The following MCTP1 variants were observed in gnomAD, a reference collection of about 807,000 sequenced individuals.
The protein encoded by MCTP1 is multiple C2 and transmembrane domain-containing protein 1.
A neutral mutation model predicts 120.6 loss-of-function variants in MCTP1; 69 were observed. The observed-to-expected ratio is 0.57, with a 90% CI of 0.47 to 0.70. MCTP1 has a LOEUF of 0.70. MCTP1 is among the 30% of genes least tolerant of loss of function. The pLI, the probability that MCTP1 is intolerant of heterozygous loss-of-function variation, is 0.00. For missense variants in MCTP1, 1,203 were observed against 1,248.8 expected, an observed-to-expected ratio of 0.96 and a Z score of 0.55; for synonymous variants, 529 against 493.1, an observed-to-expected ratio of 1.07 and a Z score of -0.96.
At chr5:94,742,918 G>A (rs1765860920) in intron 19 of MCTP1, among the ~76,000 whole-genome samples, 1 of 152,120 alleles carries the variant, frequency 6.6e-6, no homozygotes, top group South Asian at 2.1e-4. Context: ...AATGAATAAT[G>A]CACAGTCCCT....
rs114841593 is a variant in MCTP1 at position 95,268,461 on chromosome 5, C to T, written c.720+15395G>A. On this transcript the variant is annotated intron_variant, in intron 1 of 22. Coordinates refer to ENST00000515393, the MANE Select transcript of MCTP1 (RefSeq NM_024717.7). ...ATACTCATGAGCAGATGTAGGGGAT[C>T]GATCAAGGTGGTGGGAGTAATTATA... Among the ~76,000 whole-genome samples, 649 of 152,188 alleles carry T rather than the reference C, an allele frequency of 4.3e-3. 8 individuals are homozygous for T. Among genetic ancestry groups the T allele is most frequent in the African/African-American group, 0.013 (559 of 41,520 alleles).
At chr5:94,836,194 A>C (rs1252433093) in intron 17 of MCTP1, among the ~76,000 whole-genome samples, 46 of 151,164 alleles carry the variant, frequency 3.0e-4, no homozygotes, top group African/African-American at 1.1e-3. Context: ...AAAAAAAAAA[A>C]AAAAAAAAAA....
intron 9 of MCTP1, 23 bp downstream of exon 9, chr5:94,912,783 G>A (rs1347563402): frequency 6.6e-7 from 1 of 1,511,546 alleles, no homozygotes; most frequent in Non-Finnish European, 8.9e-7. Flanking sequence ...ATATTGACAG[G>A]AACACAATAG....
chr5:95,147,416 A>G (rs1184086935), intron 1 of MCTP1, among the ~76,000 whole-genome samples: 1 of 152,038 alleles, frequency 6.6e-6, no homozygotes, highest in African/African-American at 2.4e-5. Flanking sequence ...TGATAGTTAC[A>G]CCTTCTTGTT....
At chr5:95,163,291 GAT>G (rs1745950152) in intron 1 of MCTP1, among the ~76,000 whole-genome samples, 1 of 152,298 alleles carries the variant, frequency 6.6e-6, no homozygotes, top group Admixed American at 6.5e-5. Context: ...CAAGGTGACA[GAT>G]ATATACTGTG....
intron 1 of MCTP1, among the ~76,000 whole-genome samples, chr5:95,099,368 A>G (rs988388234): frequency 0.015 from 2,335 of 151,068 alleles, 68 homozygotes; most frequent in African/African-American, 0.052. Flanking sequence ...TTCGCAACCT[A>G]CTCATCTGAC....
At chr5:94,755,718 G>A (rs748186624) in intron 19 of MCTP1, among the ~76,000 whole-genome samples, 5 of 151,892 alleles carry the variant, frequency 3.3e-5, no homozygotes, top group African/African-American at 7.3e-5. Flanking sequence ...TCATCCTCCC[G>A]TTGCCCTTTA....
At chr5:94,790,065 TGA>T (rs1306653760) in intron 18 of MCTP1, among the ~76,000 whole-genome samples, 1 of 152,228 alleles carries the variant, frequency 6.6e-6, no homozygotes, top group Admixed American at 6.5e-5. Context: ...GATAATATAC[TGA>T]GAGTGTTGTG....
rs564716833 is a variant in MCTP1 at position 94,888,699 on chromosome 5, T to TTAAAAAGCAGAGATACTA, written c.1933+162_1933+179dup. On this transcript the variant is annotated intron_variant, in intron 12 of 22. Coordinates refer to ENST00000515393, the MANE Select transcript of MCTP1 (RefSeq NM_024717.7). The stretch of plus-strand genomic sequence containing the variant: ...TTATTTTTAATACATTACCCTGCCT[T>TTAAAAAGCAGAGATACTA]TAAAAAGCAGAGATACTATAAAAAT... 1.8e-4 allele frequency among the ~76,000 whole-genome samples: 28 copies of TTAAAAAGCAGAGATACTA among 152,340 alleles called. No individual in the cohort carries two copies. The East Asian group carries it at 5.0e-3, about 27-fold the overall frequency.
At chr5:95,163,013 AT>A (rs1236585059) in intron 1 of MCTP1, among the ~76,000 whole-genome samples, 2 of 151,996 alleles carry the variant, frequency 1.3e-5, no homozygotes, top group African/African-American at 4.8e-5. Context: ...GACCTTCAAC[AT>A]TTTAATTTTA....
chr5:94,829,152 A>T (rs1307218666), intron 17 of MCTP1, among the ~76,000 whole-genome samples: 1 of 152,180 alleles, frequency 6.6e-6, no homozygotes, highest in African/African-American at 2.4e-5. Flanking sequence ...CGGGAAAAGC[A>T]TAGTATCTGG....
At chr5:94,877,863 G>C (rs185292646) in intron 12 of MCTP1, 2 of 152,254 alleles carry the variant, frequency 1.3e-5, no homozygotes, top group African/African-American at 2.4e-5. Context: ...CATCAGTGGT[G>C]GGCTTTGTCC....
At chr5:94,832,524 T>C (rs1214139812) in intron 17 of MCTP1, among the ~76,000 whole-genome samples, 2 of 152,114 alleles carry the variant, frequency 1.3e-5, no homozygotes, top group East Asian at 1.9e-4. Context: ...GTATTTGGCT[T>C]CTTTGACTCA....
intron 19 of MCTP1, among the ~76,000 whole-genome samples, chr5:94,761,389 T>C (rs1771307251): frequency 6.6e-6 from 1 of 152,220 alleles, no homozygotes; most frequent in Admixed American, 6.5e-5. Flanking sequence ...ACAAGCAAGA[T>C]AAAAGAGTAA....
At chr5:94,947,577 T>TAGAGAGAGAGAGAG (rs3030518) in intron 3 of MCTP1, among the ~76,000 whole-genome samples, 12 of 47,392 alleles carry the variant, frequency 2.5e-4, no homozygotes, top group Admixed American at 5.1e-4. Context: ...TATATATATA[T>TAGAGAGAGAGAGAG]AGAGAGAGAG....
chr5:95,280,970 TG>T (rs1199455353), intron 1 of MCTP1, among the ~76,000 whole-genome samples: 3 of 152,112 alleles, frequency 2.0e-5, no homozygotes, highest in Non-Finnish European at 4.4e-5. Context: ...GGTGGAGACG[TG>T]GAGAGTGTGT....
At chr5:94,826,571 A>T in intron 17 of MCTP1, 1 of 738,278 alleles carries the variant, frequency 1.4e-6, no homozygotes, top group Non-Finnish European at 2.4e-6. Context: ...TCCCTTTCAA[A>T]GCATCTTTTG....
rs934072211 is a variant in MCTP1, at chr5:95,250,811, C to T, written c.720+33045G>A. Among the ~76,000 whole-genome samples the T allele has an allele frequency of 1.2e-4, 18 of 152,192 alleles. No homozygotes were observed. The South Asian group carries it at 1.9e-3, about 16-fold the overall frequency. ...GCTTTATTATTATATTTTTAAAGTG[C>T]ATAAATATGTCTTAACACTACTAAT... is the stretch of plus-strand genomic sequence containing the variant. On this transcript the variant is annotated intron_variant, in intron 1 of 22. Transcript: ENST00000515393.
intron 17 of MCTP1, among the ~76,000 whole-genome samples, chr5:94,866,694 T>G (rs942338281): frequency 1.3e-5 from 2 of 151,650 alleles, no homozygotes; most frequent in African/African-American, 4.8e-5. Flanking sequence ...GTCAAATCAC[T>G]CAAGTAATAT....
Sources: allele counts gnomAD v4.1 joint callset (sites outside exome capture counted in the v4.1 genomes callset), GRCh38; gene constraint gnomAD v4.1.1; transcripts MANE v1.5; gene names NCBI Gene and HGNC (gene_info 2026-07-23, HGNC 2026-07-21).